The following CADM2 variants were observed in gnomAD, a reference collection of about 807,000 sequenced individuals.
CADM2 encodes the protein cell adhesion molecule 2.
CADM2 carries 12 observed loss-of-function variants against 49.8 expected under a neutral mutation model. The ratio of observed to expected loss-of-function variants is 0.24; its 90% CI spans 0.15 to 0.39. The LOEUF is 0.39. CADM2 is among the 10% of genes least tolerant of loss of function. The pLI is 1.00. For synonymous variants in CADM2, 214 were observed against 175.4 expected, an observed-to-expected ratio of 1.22 and a Z score of -1.74; for missense variants, 378 against 492.3, an observed-to-expected ratio of 0.77 and a Z score of 2.20.
chr3:85,993,482 A>T (rs1335037127), intron 8 of CADM2: 1 of 152,160 alleles, frequency 6.6e-6, no homozygotes, highest in Non-Finnish European at 1.5e-5. Context: ...TGATATTTTG[A>T]CTTCCTCCCA....
chr3:85,390,729 TGC>T (rs1266400260), intron 1 of CADM2, among the ~76,000 whole-genome samples: 17 of 152,214 alleles, frequency 1.1e-4, no homozygotes, highest in Non-Finnish European at 1.9e-4. Flanking sequence ...AAATAATCTC[TGC>T]TCTACTGCCT....
In CADM2 at chr3:85,974,841, C is replaced by T. The variant is rs77506519; in HGVS notation, c.970+13194C>T. 2.5e-3 allele frequency among the ~76,000 whole-genome samples: 372 copies of T among 151,562 alleles called. 1 individual carries two copies. The highest frequency in any genetic ancestry group is 8.3e-3 in the African/African-American group (345 of 41,428). ...AGGGGTTCTGTCTGTTATTGAAATA[C>T]CCCAAAATTTTCCTTTTACATGAAA... On this transcript the variant is annotated intron_variant, in intron 8 of 9. Coordinates refer to ENST00000383699, the MANE Select transcript of CADM2 (RefSeq NM_001167675.2).
chr3:85,732,814 A>C lies in CADM2; in HGVS notation c.88+6266A>C, dbSNP rs968689158. The stretch of plus-strand genomic sequence containing the variant: ...AAATGAAGCAGAGTTAAGAAATTTA[A>C]GTTCACAAAATGAGTAAGAGGCAGG... On this transcript the variant is annotated intron_variant, in intron 2 of 9. Coordinates refer to ENST00000383699, the MANE Select transcript of CADM2 (RefSeq NM_001167675.2). 8.5e-5 allele frequency among the ~76,000 whole-genome samples: 13 copies of C among 152,202 alleles called. 1 individual carries two copies. The highest frequency in any genetic ancestry group is 5.2e-4 in the Admixed American group (8 of 15,268).
At chr3:86,005,229 C>T (rs1477790888) in intron 8 of CADM2, among the ~76,000 whole-genome samples, 2 of 152,072 alleles carry the variant, frequency 1.3e-5, no homozygotes, top group Non-Finnish European at 2.9e-5. Flanking sequence ...ATGTAATCTC[C>T]AGGAATTATT....
At chr3:85,372,861 A>G (rs557802765) in intron 1 of CADM2, among the ~76,000 whole-genome samples, 1 of 152,118 alleles carries the variant, frequency 6.6e-6, no homozygotes, top group Non-Finnish European at 1.5e-5. Context: ...ATCAGAACTC[A>G]TGAGACTTAT....
intron 1 of CADM2, among the ~76,000 whole-genome samples, chr3:85,074,490 A>C (rs1283436815): frequency 6.6e-6 from 1 of 152,132 alleles, no homozygotes; most frequent in Non-Finnish European, 1.5e-5. Flanking sequence ...ATTAGAATAA[A>C]AACTTGAAGT....
At chr3:85,425,154 G>T (rs549462867) in intron 1 of CADM2, among the ~76,000 whole-genome samples, 285 of 152,210 alleles carry the variant, frequency 1.9e-3, no homozygotes, top group Non-Finnish European at 3.7e-3. Flanking sequence ...CAGTACCTTT[G>T]CCCGTTTCCC....
At chr3:85,796,635 G>A (rs1206238101) in intron 2 of CADM2, among the ~76,000 whole-genome samples, 1 of 152,100 alleles carries the variant, frequency 6.6e-6, no homozygotes, top group African/African-American at 2.4e-5. Flanking sequence ...CTCTATGCTT[G>A]TGTCATTTAG....
chr3:85,639,382 C>T (rs572646242), intron 1 of CADM2, among the ~76,000 whole-genome samples: 1 of 152,282 alleles, frequency 6.6e-6, no homozygotes, highest in African/African-American at 2.4e-5. Context: ...ACTGTAACAT[C>T]TGACATCGGG....
intron 2 of CADM2, among the ~76,000 whole-genome samples, chr3:85,763,133 C>G (rs1254122095): frequency 6.6e-6 from 1 of 152,136 alleles, no homozygotes; most frequent in Admixed American, 6.6e-5. Context: ...AACTAGCATA[C>G]AACTGACTGC....
chr3:85,813,814 G>A (rs1180525982), intron 3 of CADM2, among the ~76,000 whole-genome samples: 1 of 152,036 alleles, frequency 6.6e-6, no homozygotes, highest in East Asian at 1.9e-4. Flanking sequence ...CCCATTGCTT[G>A]TTTGTGTCAG....
intron 1 of CADM2, among the ~76,000 whole-genome samples, chr3:85,541,733 T>TA (rs1336207883): frequency 3.5e-5 from 2 of 57,150 alleles, no homozygotes; most frequent in South Asian, 7.1e-4. Flanking sequence ...TATATATATT[T>TA]TATATATATA....
At chr3:85,203,210 A>T (rs1298197195) in intron 1 of CADM2, among the ~76,000 whole-genome samples, 1 of 152,188 alleles carries the variant, frequency 6.6e-6, no homozygotes, top group East Asian at 1.9e-4. Context: ...CTTTCAGCCT[A>T]ACTCGGCTTT....
rs2032166470 is a variant in CADM2 at position 85,359,649 on chromosome 3, TATATATATA to T, written c.62-366872_62-366864del. ...AGGCCAATGTCAGCATATATATATA[TATATATATA>T]TATATATATTTTTTTTTTTGGTGGA... On this transcript the variant is annotated intron_variant, in intron 1 of 9. Transcript: ENST00000383699. Among the ~76,000 whole-genome samples, 4 of 14,230 alleles carry T rather than the reference TATATATATA, an allele frequency of 2.8e-4. 1 individual carries two copies. The highest frequency in any genetic ancestry group is 1.8e-3 in the Admixed American group (2 of 1,108). 9.3% of individuals were successfully genotyped at this position (14,230 alleles called of 152,430 possible).
chr3:85,994,733 T>C (rs1295237132), intron 8 of CADM2: 1 of 151,774 alleles, frequency 6.6e-6, no homozygotes, highest in East Asian at 1.9e-4. Context: ...GAGGGAGAGG[T>C]GGGGAAAACA....
intron 1 of CADM2, among the ~76,000 whole-genome samples, chr3:85,409,388 T>C (rs1007089182): frequency 1.3e-4 from 20 of 152,194 alleles, no homozygotes; most frequent in African/African-American, 4.6e-4. Flanking sequence ...GTCAGCATCA[T>C]ATTAAGTACT....
At chr3:85,447,964 T>C (rs2037548532) in intron 1 of CADM2, among the ~76,000 whole-genome samples, 2 of 151,994 alleles carry the variant, frequency 1.3e-5, no homozygotes, top group African/African-American at 2.4e-5. Context: ...GTGGCAGATA[T>C]ATGAAAGAAA....
At chr3:85,694,533 C>A (rs1478774110) in intron 1 of CADM2, among the ~76,000 whole-genome samples, 1 of 152,126 alleles carries the variant, frequency 6.6e-6, no homozygotes, top group Non-Finnish European at 1.5e-5. Context: ...TGGTATTTTG[C>A]TATGGCAGCC....
intron 5 of CADM2, among the ~76,000 whole-genome samples, chr3:85,898,595 A>G (rs1715606599): frequency 6.6e-6 from 1 of 151,134 alleles, no homozygotes; most frequent in Non-Finnish European, 1.5e-5. Flanking sequence ...TTGAGTCTCA[A>G]CATAAGTATT....
Sources: allele counts gnomAD v4.1 joint callset (sites outside exome capture counted in the v4.1 genomes callset), GRCh38; gene constraint gnomAD v4.1.1; transcripts MANE v1.5; gene names NCBI Gene and HGNC (gene_info 2026-07-23, HGNC 2026-07-21).